ATAD2B: variants seen among roughly 807,000 people sequenced by gnomAD.
ATAD2B encodes the protein ATPase family AAA domain containing 2B.
In ATAD2B, 40 loss-of-function variants were observed where a neutral mutation model predicts 167.6. That is an observed-to-expected ratio of 0.24 (90% CI 0.19 to 0.31). ATAD2B has a LOEUF of 0.31. Among genes scored for constraint, ATAD2B ranks in the 10% least tolerant of loss-of-function variants. ATAD2B has a pLI of 1.00. For synonymous variants in ATAD2B, 579 were observed against 596.5 expected, an observed-to-expected ratio of 0.97 and a Z score of 0.43; for missense variants, 1,242 against 1,757.2, an observed-to-expected ratio of 0.71 and a Z score of 5.24.
rs1676106006 is a variant in ATAD2B, at chr2:23,757,653, T to G, written c.3843A>C (p.Pro1281=). 1 of 1,613,848 alleles carries G rather than the reference T, an allele frequency of 6.2e-7. No individual in the cohort carries two copies. Residue 1281 remains proline, a synonymous_variant, in exon 25 of 28, where the codon CCA becomes CCC. Coordinates refer to ENST00000238789, the MANE Select transcript of ATAD2B (RefSeq NM_017552.4). ...EASTDSFEGI[P]VLECQNGKLE... Reference sequence around the variant, plus strand: ...GCTTGCCATTCTGACATTCCAGAACTGGTATTCCTTCAAAACTGTCAGTGG... The same window carrying G: ...GCTTGCCATTCTGACATTCCAGAACGGGTATTCCTTCAAAACTGTCAGTGG...
intron 17 of ATAD2B, among the ~76,000 whole-genome samples, chr2:23,813,349 A>G (rs1178879012): frequency 6.8e-6 from 1 of 148,014 alleles, no homozygotes; most frequent in Non-Finnish European, 1.5e-5. Context: ...AATATGAATT[A>G]TAATATATAA....
intron 13 of ATAD2B, among the ~76,000 whole-genome samples, chr2:23,837,514 C>T (rs911870179): frequency 2.0e-5 from 3 of 152,190 alleles, no homozygotes; most frequent in Admixed American, 6.5e-5. Flanking sequence ...GAGCTCCCAT[C>T]CCACCGACTC....
intron 14 of ATAD2B, among the ~76,000 whole-genome samples, chr2:23,829,965 CAG>C (rs1438961191): frequency 1.3e-5 from 2 of 149,346 alleles, no homozygotes; most frequent in African/African-American, 4.9e-5. Context: ...CCAAAACAAA[CAG>C]AAATTTATTT....
the ATAD2B span, among the ~76,000 whole-genome samples, chr2:23,686,105 G>T: frequency 6.6e-6 from 1 of 151,916 alleles, no homozygotes; most frequent in Non-Finnish European, 1.5e-5. Context: ...GAAGAGGGAG[G>T]AAGAGCATTC....
the ATAD2B span, among the ~76,000 whole-genome samples, chr2:23,719,324 C>T: frequency 6.6e-6 from 1 of 152,154 alleles, no homozygotes; most frequent in Non-Finnish European, 1.5e-5. Flanking sequence ...ACTAGGAATA[C>T]ATTAAACAAC....
chr2:23,868,461 T>C (rs1443950619), intron 9 of ATAD2B, among the ~76,000 whole-genome samples: 1 of 152,194 alleles, frequency 6.6e-6, no homozygotes, highest in Non-Finnish European at 1.5e-5. Context: ...ACACTACACC[T>C]GGCTGATTTT....
At chr2:23,775,187 GGGTA>G (rs946627665) in intron 22 of ATAD2B, among the ~76,000 whole-genome samples, 8 of 151,674 alleles carry the variant, frequency 5.3e-5, no homozygotes, top group African/African-American at 1.7e-4. Context: ...ATTCCCTGAA[GGGTA>G]GGTAAATTTT....
chr2:23,826,507 T>C (rs898910103), intron 15 of ATAD2B, among the ~76,000 whole-genome samples: 1 of 152,220 alleles, frequency 6.6e-6, no homozygotes, highest in Non-Finnish European at 1.5e-5. Context: ...TCTAATACTC[T>C]GTGAACACAT....
At chr2:23,908,988 T>C (rs1410716361) in intron 1 of ATAD2B, among the ~76,000 whole-genome samples, 2 of 81,620 alleles carry the variant, frequency 2.5e-5, no homozygotes. Context: ...GAGACTGTTG[T>C]GGGGTGGGGG....
chr2:23,774,671 G>A (rs1005225355), intron 22 of ATAD2B, among the ~76,000 whole-genome samples: 5 of 152,242 alleles, frequency 3.3e-5, no homozygotes, highest in Admixed American at 1.3e-4. Context: ...AGGCTGAGGC[G>A]GGTGGATCAC....
chr2:23,892,161 A>G (rs1699597279), intron 2 of ATAD2B, among the ~76,000 whole-genome samples: 2 of 151,930 alleles, frequency 1.3e-5, no homozygotes, highest in South Asian at 4.2e-4. Flanking sequence ...GTACACAATA[A>G]ATCTTTTTTT....
At chr2:23,862,608 T>C (rs1694569200) in intron 12 of ATAD2B, among the ~76,000 whole-genome samples, 1 of 152,088 alleles carries the variant, frequency 6.6e-6, no homozygotes, top group African/African-American at 2.4e-5. Context: ...GGAAATAATA[T>C]CTTTAAAGTT....
At chr2:23,800,245 T>C (rs889183054) in intron 18 of ATAD2B, among the ~76,000 whole-genome samples, 1 of 152,172 alleles carries the variant, frequency 6.6e-6, no homozygotes, top group East Asian at 1.9e-4. Flanking sequence ...TAACCAGCTA[T>C]AGGTTACTAA....
chr2:23,740,210 C>T, the ATAD2B span, among the ~76,000 whole-genome samples: 5 of 152,172 alleles, frequency 3.3e-5, no homozygotes, highest in African/African-American at 1.2e-4. Flanking sequence ...ATGAGGCCAG[C>T]ATCATCCTGA....
At chr2:23,700,126 G>A in the ATAD2B span, among the ~76,000 whole-genome samples, 169 of 152,142 alleles carry the variant, frequency 1.1e-3, no homozygotes, top group African/African-American at 3.5e-3. This position sits in a 1 kb window ranked among gnomAD's most constrained non-coding sequence, Gnocchi z 4.6. Flanking sequence ...CAGCACTCCC[G>A]TCTCTTTCAT....
At position 23,864,851 on chromosome 2, in the gene ATAD2B, A is replaced by G; in HGVS notation, c.1262T>C (p.Leu421Ser). The G allele has an allele frequency of 1.3e-6, 2 of 1,596,070 alleles. No homozygotes were observed. The highest frequency in any genetic ancestry group is 1.7e-6 in the Non-Finnish European group (2 of 1,171,112). The change falls in exon 11 of 28, where the codon TTA becomes TCA. Residue 421 changes from leucine to serine, a missense_variant. Leu to Ser is a moderately radical substitution (Grantham distance 145). Transcript: ENST00000238789. ...ALKEMVVFPL[L>S]YPEIFEKFKI... ...AAACTTTTCAAAAATTTCTGGATAT[A>G]AAAGTGGGAATACTACCATTTCCTT...
At chr2:23,902,900 T>C (rs537707821) in intron 1 of ATAD2B, among the ~76,000 whole-genome samples, 1 of 151,756 alleles carries the variant, frequency 6.6e-6, no homozygotes, top group South Asian at 2.1e-4. Flanking sequence ...CCTGTCTCTT[T>C]AAATAAATAA....
the ATAD2B span, among the ~76,000 whole-genome samples, chr2:23,733,397 T>C: frequency 2.0e-5 from 3 of 152,210 alleles, no homozygotes; most frequent in Non-Finnish European, 4.4e-5. Flanking sequence ...TAGTCTCAAT[T>C]GCTAGACACC....
chr2:23,921,205 C>CGAAAA (rs560022881), intron 1 of ATAD2B, among the ~76,000 whole-genome samples: 16 of 32,284 alleles, frequency 5.0e-4, no homozygotes, highest in Admixed American at 1.1e-3. Flanking sequence ...GACTCCATCT[C>CGAAAA]AAAAAAAAAA....
Sources: gnomAD v4.1 joint callset for allele counts (sites outside exome capture counted in the v4.1 genomes callset) on GRCh38, gnomAD v4.1.1 for gene constraint, Gnocchi (gnomAD v3.1) non-coding constraint, MANE v1.5 for transcripts, NCBI Gene and HGNC (gene_info 2026-07-23, HGNC 2026-07-21) for gene names.